The following FGGY variants were observed in gnomAD, a reference collection of about 807,000 sequenced individuals.
The protein encoded by FGGY is FGGY carbohydrate kinase domain containing, also known as FGGY carbohydrate kinase domain-containing protein.
FGGY carries 72 observed loss-of-function variants against 71.3 expected under a neutral mutation model. That is an observed-to-expected ratio of 1.01 (90% CI 0.84 to 1.23). The LOEUF (loss-of-function observed/expected upper bound fraction) is 1.23. Ranked by LOEUF, FGGY falls within the 50% of genes most tolerant of loss-of-function variation. FGGY has a pLI of 0.00. For synonymous variants in FGGY, 251 were observed against 250.3 expected (o/e 1.00, Z -0.02); for missense variants, 668 against 682.3 (o/e 0.98, Z 0.23).
intron 14 of FGGY, among the ~76,000 whole-genome samples, chr1:59,694,404 C>T (rs1001425950): frequency 1.3e-5 from 2 of 152,050 alleles, no homozygotes; most frequent in Non-Finnish European, 1.5e-5. Context: ...TTGGTCAGTT[C>T]GTGGACTGGT....
At chr1:59,558,691 G>A (rs2095734291) in intron 8 of FGGY, among the ~76,000 whole-genome samples, 1 of 152,146 alleles carries the variant, frequency 6.6e-6, no homozygotes, top group African/African-American at 2.4e-5. Context: ...TTCAAGAGCA[G>A]AGAACCGATC....
chr1:59,647,040 T>C (rs2097101574), intron 11 of FGGY, among the ~76,000 whole-genome samples: 1 of 152,132 alleles, frequency 6.6e-6, no homozygotes, highest in South Asian at 2.1e-4. Context: ...AACCAGGGAA[T>C]GGACTATGGG....
chr1:59,592,499 T>A (rs568894518), intron 8 of FGGY, among the ~76,000 whole-genome samples: 3 of 152,092 alleles, frequency 2.0e-5, no homozygotes, highest in Non-Finnish European at 2.9e-5. Flanking sequence ...TGTTTATTGC[T>A]GCACTATTCA....
At chr1:59,318,201 C>T (rs564817700) in intron 1 of FGGY, among the ~76,000 whole-genome samples, 1 of 152,290 alleles carries the variant, frequency 6.6e-6, no homozygotes, top group African/African-American at 2.4e-5. Flanking sequence ...TGGGAGTGAT[C>T]ATAGTTATTG....
intron 14 of FGGY, among the ~76,000 whole-genome samples, chr1:59,747,490 A>G (rs1297237364): frequency 1.3e-5 from 2 of 152,226 alleles, no homozygotes; most frequent in Non-Finnish European, 2.9e-5. Flanking sequence ...CCCTAATAGA[A>G]TGTACCGTGA....
At chr1:59,470,845 T>C (rs1210701631) in intron 6 of FGGY, among the ~76,000 whole-genome samples, 1 of 152,258 alleles carries the variant, frequency 6.6e-6, no homozygotes, top group Non-Finnish European at 1.5e-5. Context: ...TGGCTTGTTT[T>C]TCATTTTGAT....
intron 14 of FGGY, among the ~76,000 whole-genome samples, chr1:59,692,590 A>G (rs570336471): frequency 7.9e-5 from 12 of 151,798 alleles, no homozygotes; most frequent in African/African-American, 2.7e-4. Context: ...GAACTACTAT[A>G]TCATTATCAT....
chr1:59,441,792 C>T (rs192920203), intron 5 of FGGY, among the ~76,000 whole-genome samples: 1 of 152,268 alleles, frequency 6.6e-6, no homozygotes, highest in East Asian at 1.9e-4. Flanking sequence ...TTTGTAATGC[C>T]TTCTTCATAG....
chr1:59,698,983 A>T (rs2097687772), intron 14 of FGGY: 1 of 985,102 alleles, frequency 1.0e-6, no homozygotes, highest in Non-Finnish European at 1.2e-6. Context: ...CTAAATGAAA[A>T]CCATGTTTAA....
chr1:59,324,918 T>C (rs1292588276), intron 2 of FGGY, among the ~76,000 whole-genome samples: 2 of 152,220 alleles, frequency 1.3e-5, no homozygotes, highest in African/African-American at 2.4e-5. Flanking sequence ...ATCTAGTTTA[T>C]CTGTATTTCT....
chr1:59,372,861 C>G (rs1026801280), intron 4 of FGGY, among the ~76,000 whole-genome samples: 25 of 144,040 alleles, frequency 1.7e-4, no homozygotes, highest in Middle Eastern at 3.4e-3. Context: ...ATTCAACAAC[C>G]CTTCATGCTA....
At chr1:59,607,332 G>C (rs2096633246) in intron 8 of FGGY, among the ~76,000 whole-genome samples, 1 of 152,206 alleles carries the variant, frequency 6.6e-6, no homozygotes, top group South Asian at 2.1e-4. Context: ...CAGAACAGAA[G>C]CACACAGCCC....
intron 4 of FGGY, among the ~76,000 whole-genome samples, chr1:59,363,985 C>T (rs181048547): frequency 6.6e-6 from 1 of 152,272 alleles, no homozygotes; most frequent in Admixed American, 6.5e-5. Context: ...TAAGGATGCA[C>T]ATACCCAAAT....
intron 8 of FGGY, among the ~76,000 whole-genome samples, chr1:59,577,791 A>G (rs1407295877): frequency 6.6e-6 from 1 of 152,166 alleles, no homozygotes; most frequent in African/African-American, 2.4e-5. Context: ...GAAATTGATT[A>G]CCTTCTCCTG....
intron 7 of FGGY, among the ~76,000 whole-genome samples, chr1:59,521,036 T>TC (rs1553260233): frequency 1.1e-4 from 15 of 130,672 alleles, no homozygotes; most frequent in African/African-American, 3.8e-4. Flanking sequence ...AAATTGGGGG[T>TC]GGGGGGGGAT....
intron 4 of FGGY, among the ~76,000 whole-genome samples, chr1:59,353,397 TG>T (rs1481478876): frequency 6.6e-6 from 1 of 152,230 alleles, no homozygotes; most frequent in Non-Finnish European, 1.5e-5. Flanking sequence ...ATGAGTGATA[TG>T]TTTTTTCCTG....
intron 14 of FGGY, among the ~76,000 whole-genome samples, chr1:59,714,925 G>A (rs774645483): frequency 6.6e-6 from 1 of 152,204 alleles, no homozygotes; most frequent in Non-Finnish European, 1.5e-5. Context: ...CTTGACCCAG[G>A]AAAGAGTTAC....
chr1:59,701,608 G>T (rs1247752378), intron 14 of FGGY, among the ~76,000 whole-genome samples: 5 of 152,176 alleles, frequency 3.3e-5, no homozygotes, highest in Admixed American at 1.3e-4. Context: ...CTATGCCTCA[G>T]CTTTGGGGAG....
Position 59,346,289 on chromosome 1 carries a change from C to CA in FGGY, c.357dup (p.Val120SerfsTer5). ...GTCATCATGTGGCTGGACCATCGAGCAGTCAGTCAAGTTAACAGGATCAAT... is the reference window on the plus strand; with the variant it reads ...GTCATCATGTGGCTGGACCATCGAGCAAGTCAGTCAAGTTAACAGGATCAAT... On this transcript the variant is annotated frameshift_variant, in exon 4 of 16. Transcript: ENST00000303721. LOFTEE classifies it high-confidence loss of function. 4 of 1,612,700 alleles carry CA rather than the reference C, an allele frequency of 2.5e-6. No individual in the cohort carries two copies. The highest frequency in any genetic ancestry group is 3.4e-6 in the Non-Finnish European group (4 of 1,179,740).
Sources: allele counts gnomAD v4.1 joint callset (sites outside exome capture counted in the v4.1 genomes callset), GRCh38; gene constraint gnomAD v4.1.1; transcripts MANE v1.5; gene names NCBI Gene and HGNC (gene_info 2026-07-23, HGNC 2026-07-21).